Variants in VPS13B observed in about 807,000 individuals in gnomAD.
VPS13B encodes the protein intermembrane lipid transfer protein VPS13B.
A neutral mutation model predicts 426.4 loss-of-function variants in VPS13B; 285 were observed. The observed-to-expected ratio is 0.67, with a 90% CI of 0.61 to 0.74. VPS13B has a LOEUF of 0.74. Ranked by LOEUF, VPS13B falls within the 30% of genes least tolerant of loss-of-function variation. The pLI is 0.00. For synonymous variants in VPS13B, 1,676 were observed against 1,676.4 expected (o/e 1.00, Z 0.01); for missense variants, 4,537 against 4,782.6 (o/e 0.95, Z 1.51).
intron 58 of VPS13B, among the ~76,000 whole-genome samples, chr8:99,865,330 A>G (rs1817045083): frequency 6.6e-6 from 1 of 152,200 alleles, no homozygotes; most frequent in Non-Finnish European, 1.5e-5. Flanking sequence ...CCTTCTCATG[A>G]ACACCAAAGC....
At chr8:99,318,095 G>T (rs1024928056) in intron 19 of VPS13B, among the ~76,000 whole-genome samples, 101 of 152,112 alleles carry the variant, frequency 6.6e-4, no homozygotes, top group African/African-American at 2.3e-3. Flanking sequence ...TTGTGTTCTT[G>T]CCCTAATTTA....
intron 52 of VPS13B, among the ~76,000 whole-genome samples, chr8:99,834,428 G>A (rs1815256549): frequency 6.6e-6 from 1 of 152,092 alleles, no homozygotes; most frequent in Non-Finnish European, 1.5e-5. Flanking sequence ...GGTGTGATGG[G>A]CTTGTGGAAA....
At chr8:99,114,479 G>A (rs1459714860) in intron 6 of VPS13B, among the ~76,000 whole-genome samples, 1 of 152,096 alleles carries the variant, frequency 6.6e-6, no homozygotes, top group Non-Finnish European at 1.5e-5. Flanking sequence ...CAGATTCTTT[G>A]TTATTGGTTT....
intron 16 of VPS13B, among the ~76,000 whole-genome samples, chr8:99,173,670 A>G (rs1294481007): frequency 6.6e-6 from 1 of 152,198 alleles, no homozygotes; most frequent in Non-Finnish European, 1.5e-5. Flanking sequence ...TCCACCTGAT[A>G]GGTGTTAGAC....
intron 39 of VPS13B, among the ~76,000 whole-genome samples, chr8:99,750,834 C>A (rs1413534949): frequency 6.6e-6 from 1 of 152,002 alleles, no homozygotes; most frequent in Non-Finnish European, 1.5e-5. Context: ...TTGGGGAGGG[C>A]TGTTTGTTTT....
chr8:99,843,056 G>A (rs549503837), intron 54 of VPS13B, among the ~76,000 whole-genome samples: 2 of 152,280 alleles, frequency 1.3e-5, no homozygotes, highest in South Asian at 2.1e-4. Context: ...AGGAGGCTGA[G>A]GTGGGAGGAT....
At chr8:99,518,021 G>A (rs1381647930) in intron 29 of VPS13B, among the ~76,000 whole-genome samples, 2 of 151,456 alleles carry the variant, frequency 1.3e-5, no homozygotes, top group Non-Finnish European at 2.9e-5. Context: ...TGCATTAAGT[G>A]CTCTTTTTTT....
chr8:99,754,576 C>T (rs1810548932), intron 39 of VPS13B, among the ~76,000 whole-genome samples: 1 of 152,146 alleles, frequency 6.6e-6, no homozygotes, highest in Non-Finnish European at 1.5e-5. Flanking sequence ...CTGTCTCTTT[C>T]AGTCACTGAA....
At chr8:99,481,011 A>G (rs529066248) in intron 24 of VPS13B, among the ~76,000 whole-genome samples, 21 of 152,292 alleles carry the variant, frequency 1.4e-4, no homozygotes, top group African/African-American at 4.1e-4. Context: ...ACAATGTGCA[A>G]ATTAAACAGT....
At chr8:99,121,721 A>T (rs1016170545) in intron 8 of VPS13B, 4 of 642,836 alleles carry the variant, frequency 6.2e-6, no homozygotes, top group Admixed American at 8.4e-5. Flanking sequence ...GTGTACAAAC[A>T]TGCCTTAATA....
intron 6 of VPS13B, 34 bp from the exon 7 acceptor site, chr8:99,115,666 C>A (rs755293996): frequency 6.2e-7 from 1 of 1,600,222 alleles, no homozygotes; most frequent in Non-Finnish European, 8.5e-7. Context: ...TTTAAACATG[C>A]GTTTGTTGGT....
At chr8:99,419,030 T>C (rs1157632004) in intron 21 of VPS13B, among the ~76,000 whole-genome samples, 3 of 152,230 alleles carry the variant, frequency 2.0e-5, no homozygotes, top group Non-Finnish European at 4.4e-5. Context: ...TCTGATATGG[T>C]CTGGCTATGT....
intron 61 of VPS13B, chr8:99,875,106 A>G: frequency 2.6e-6 from 1 of 381,308 alleles, no homozygotes. Context: ...CTAAAGAACA[A>G]TGACAGATGT....
At chr8:99,020,747 C>T (rs1267452256) in intron 2 of VPS13B, among the ~76,000 whole-genome samples, 1 of 152,166 alleles carries the variant, frequency 6.6e-6, no homozygotes, top group Non-Finnish European at 1.5e-5. Flanking sequence ...AATCATTTGA[C>T]CATAGATGTG....
At chr8:99,248,259 G>C (rs1817324349) in intron 17 of VPS13B, among the ~76,000 whole-genome samples, 1 of 151,988 alleles carries the variant, frequency 6.6e-6, no homozygotes, top group South Asian at 2.1e-4. Flanking sequence ...ACTTTTTTCA[G>C]GGAAAGAGGA....
At chr8:99,519,940 T>G (rs946001839) in intron 29 of VPS13B, among the ~76,000 whole-genome samples, 3 of 152,096 alleles carry the variant, frequency 2.0e-5, no homozygotes, top group African/African-American at 7.2e-5. Context: ...CCCTAGAACT[T>G]AAAGTATAAT....
chr8:99,296,771 T>A (rs1312824229), intron 19 of VPS13B, among the ~76,000 whole-genome samples: 1 of 152,178 alleles, frequency 6.6e-6, no homozygotes, highest in African/African-American at 2.4e-5. Flanking sequence ...CTTTCCTTAT[T>A]GTCCTTCTGC....
chr8:99,502,891 T>C lies in VPS13B; in HGVS notation c.4098T>C (p.Asp1366=). The C allele has an allele frequency of 6.2e-7, 1 of 1,613,574 alleles. No homozygotes were observed. The highest frequency in any genetic ancestry group is 8.5e-7 in the Non-Finnish European group (1 of 1,179,694). ...TCAGTGCTTCCATAGATGTCCAGGA[T>C]GTATATACCAAAGTGAAATGTAAAA... ...EDLSASIDVQ[D]VYTKVKCKIE... Residue 1366 remains aspartate, a synonymous_variant, in exon 27 of 62, where the codon GAT becomes GAC. Coordinates refer to ENST00000357162, the MANE Select transcript of VPS13B (RefSeq NM_152564.5).
At chr8:99,407,096 TCCTATAG>T (rs1269534941) in intron 21 of VPS13B, among the ~76,000 whole-genome samples, 3 of 152,162 alleles carry the variant, frequency 2.0e-5, no homozygotes, top group Non-Finnish European at 4.4e-5. Context: ...TTAAGTAGTA[TCCTATAG>T]CTGAGAATTG....
Sources: allele counts gnomAD v4.1 joint callset (sites outside exome capture counted in the v4.1 genomes callset), GRCh38; gene constraint gnomAD v4.1.1; transcripts MANE v1.5; gene names NCBI Gene and HGNC (gene_info 2026-07-23, HGNC 2026-07-21).